Variants in HMG20A observed in about 807,000 individuals in gnomAD.
The protein encoded by HMG20A is high mobility group protein 20A.
A neutral mutation model predicts 43.9 loss-of-function variants in HMG20A; 17 were observed. That is an observed-to-expected ratio of 0.39 (90% CI 0.27 to 0.58). HMG20A has a LOEUF of 0.58. HMG20A is among the 20% of genes least tolerant of loss of function. The pLI, the probability that HMG20A is intolerant of heterozygous loss-of-function variation, is 0.59. For synonymous variants in HMG20A, 132 were observed against 147.5 expected (o/e 0.89, Z 0.76); for missense variants, 341 against 438.2 (o/e 0.78, Z 1.98).
At chr15:77,444,006 C>T (rs994202956) in intron 1 of HMG20A, among the ~76,000 whole-genome samples, 1 of 152,262 alleles carries the variant, frequency 6.6e-6, no homozygotes, top group South Asian at 2.1e-4. Flanking sequence ...CCAACATGCC[C>T]GACCTGTATC....
chr15:77,463,377 A>G (rs559476852), intron 2 of HMG20A, among the ~76,000 whole-genome samples: 2 of 152,286 alleles, frequency 1.3e-5, no homozygotes, highest in East Asian at 1.9e-4. Context: ...ATTATTCCCT[A>G]TAATACTATG....
Position 77,479,278 on chromosome 15 carries a change from C to G in HMG20A, c.1007C>G (p.Ala336Gly). ...CCCCAAGACAATGAAAACTTCATAG[C>G]TACAGTTCGAGAAGTTGTGAACAGA... is the stretch of plus-strand genomic sequence containing the variant. Reference protein sequence around the residue: ...ANPQDNENFIATVREVVNRLD... With the variant: ...ANPQDNENFIGTVREVVNRLD... Residue 336 changes from alanine to glycine, a missense_variant, in exon 9 of 10, where the codon GCT becomes GGT. Ala to Gly is a moderately conservative substitution (Grantham distance 60). Transcript: ENST00000336216. 1 of 1,614,098 alleles carries G rather than the reference C, an allele frequency of 6.2e-7. No individual in the cohort carries two copies. Among genetic ancestry groups the G allele is most frequent in the Non-Finnish European group, 8.5e-7 (1 of 1,179,984 alleles).
intron 9 of HMG20A, chr15:77,482,655 CCCT>C (rs2072915047): frequency 6.6e-6 from 1 of 152,238 alleles, no homozygotes; most frequent in South Asian, 2.1e-4. Flanking sequence ...TACTCATTTT[CCCT>C]CCTCAGGTTT....
At chr15:77,477,511 A>G (rs1288130651) in intron 6 of HMG20A, 44 bp from the exon 7 acceptor site, 5 of 1,348,034 alleles carry the variant, frequency 3.7e-6, no homozygotes, top group Admixed American at 3.5e-5. Context: ...TATTTAATTT[A>G]TCTTCTATTA....
At chr15:77,482,125 C>G (rs112510895) in intron 9 of HMG20A, 4 of 152,154 alleles carry the variant, frequency 2.6e-5, no homozygotes, top group South Asian at 2.1e-4. Context: ...TATCTAAACT[C>G]TCTCATTCAC....
intron 4 of HMG20A, among the ~76,000 whole-genome samples, chr15:77,470,392 A>G (rs1006729839): frequency 1.3e-5 from 2 of 152,170 alleles, no homozygotes; most frequent in Non-Finnish European, 2.9e-5. Context: ...CATTATTTTT[A>G]TGTTCTTTGT....
At chr15:77,427,270 G>A (rs945652515) in intron 1 of HMG20A, among the ~76,000 whole-genome samples, 4 of 152,090 alleles carry the variant, frequency 2.6e-5, no homozygotes, top group Non-Finnish European at 5.9e-5. Context: ...TACAAATAAA[G>A]GTATTCATTT....
At chr15:77,515,385 TAA>T in the HMG20A span, among the ~76,000 whole-genome samples, 6 of 151,556 alleles carry the variant, frequency 4.0e-5, no homozygotes, top group African/African-American at 1.5e-4. Flanking sequence ...CTGTTTTTTT[TAA>T]AAAAAGTTAT....
At chr15:77,487,696 T>C (rs912829396), downstream of HMG20A, among the ~76,000 whole-genome samples, 1 of 152,234 alleles carries the variant, frequency 6.6e-6, no homozygotes, top group African/African-American at 2.4e-5. Flanking sequence ...GGTGGGGAAA[T>C]TGAAGTATTG....
chr15:77,502,097 A>G, the HMG20A span, among the ~76,000 whole-genome samples: 1 of 152,264 alleles, frequency 6.6e-6, no homozygotes, highest in African/African-American at 2.4e-5. Flanking sequence ...GAAAAAAATC[A>G]AAAGAAGAAT....
At chr15:77,469,999 C>G (rs2072792040) in intron 4 of HMG20A, among the ~76,000 whole-genome samples, 1 of 152,102 alleles carries the variant, frequency 6.6e-6, no homozygotes, top group South Asian at 2.1e-4. Flanking sequence ...TGTATGGTAA[C>G]AAATCATTGG....
intron 6 of HMG20A, 118 bp from the exon 7 acceptor site, chr15:77,477,437 G>A (rs942054517): frequency 2.7e-6 from 2 of 730,290 alleles, no homozygotes; most frequent in Admixed American, 2.4e-5. Context: ...GACTCACCTG[G>A]ACTGATTCCT....
At chr15:77,500,618 G>A in the HMG20A span, among the ~76,000 whole-genome samples, 1 of 149,082 alleles carries the variant, frequency 6.7e-6, no homozygotes, top group African/African-American at 2.5e-5. Context: ...TCCCAGGCTG[G>A]AGTGCAATGA....
intron 1 of HMG20A, among the ~76,000 whole-genome samples, chr15:77,439,381 C>T (rs747050634): frequency 3.9e-5 from 6 of 152,138 alleles, no homozygotes; most frequent in Non-Finnish European, 5.9e-5. Flanking sequence ...CTCTAGGAGG[C>T]TCTTCAGTCA....
At position 77,484,884 on chromosome 15, in the gene HMG20A, C is replaced by T. The variant is rs539853546; in HGVS notation, c.*1921C>T. 1 of 152,196 alleles carries T rather than the reference C, an allele frequency of 6.6e-6. No homozygotes were observed. Among genetic ancestry groups the T allele is most frequent in the Non-Finnish European group, 1.5e-5 (1 of 68,068 alleles). 9.4% of individuals were successfully genotyped at this position (152,196 alleles called of 1,614,324 possible). On this transcript the variant is annotated 3_prime_UTR_variant, in exon 10 of 10. Transcript: ENST00000336216. ...TTTTGTTTTTTCCTTCTGCCAGATGCTTTGTGTCCTGTCTTCCTTCCTCCT... is the reference window on the plus strand; with the variant it reads ...TTTTGTTTTTTCCTTCTGCCAGATGTTTTGTGTCCTGTCTTCCTTCCTCCT...
chr15:77,504,570 A>G, the HMG20A span, among the ~76,000 whole-genome samples: 1 of 152,256 alleles, frequency 6.6e-6, no homozygotes, highest in Admixed American at 6.5e-5. Context: ...GGGGAAATCA[A>G]CCTGACATAA....
intron 5 of HMG20A, 130 bp downstream of exon 5, chr15:77,471,172 C>T: frequency 1.2e-6 from 1 of 843,760 alleles, no homozygotes; most frequent in Admixed American, 3.2e-5. Context: ...TATTCACTTA[C>T]AAGCATTATC....
chr15:77,475,521 A>G (rs933784639), intron 6 of HMG20A, among the ~76,000 whole-genome samples: 1 of 152,238 alleles, frequency 6.6e-6, no homozygotes, highest in Non-Finnish European at 1.5e-5. Context: ...ATGGGAGCCA[A>G]GCGTCTCCAC....
the HMG20A span, among the ~76,000 whole-genome samples, chr15:77,499,533 C>T: frequency 6.6e-6 from 1 of 151,470 alleles, no homozygotes; most frequent in Admixed American, 6.6e-5. Flanking sequence ...ATGCTCCCCC[C>T]CACACACACA....
Sources: gnomAD v4.1 joint callset for allele counts (sites outside exome capture counted in the v4.1 genomes callset) on GRCh38, gnomAD v4.1.1 for gene constraint, MANE v1.5 for transcripts, NCBI Gene and HGNC (gene_info 2026-07-23, HGNC 2026-07-21) for gene names.